PATJ: variants seen among roughly 807,000 people sequenced by gnomAD.
PATJ encodes inaD-like protein.
A neutral mutation model predicts 224.9 loss-of-function variants in PATJ; 190 were observed. The ratio of observed to expected loss-of-function variants is 0.84; its 90% CI spans 0.75 to 0.95. The LOEUF (loss-of-function observed/expected upper bound fraction) is 0.95. Among genes scored for constraint, PATJ ranks in the 40% least tolerant of loss-of-function variants. PATJ has a pLI of 0.00. For missense variants in PATJ, 2,121 were observed against 2,270.3 expected (o/e 0.93, Z 1.34); for synonymous variants, 769 against 820.3 (o/e 0.94, Z 1.07).
At chr1:61,765,066 ATTTTT>A (rs71582647) in intron 3 of PATJ, among the ~76,000 whole-genome samples, 3 of 24,010 alleles carry the variant, frequency 1.2e-4, no homozygotes, top group Non-Finnish European at 1.5e-4. Context: ...ATTGACATTC[ATTTTT>A]TTTTTTTTTT....
chr1:62,021,233 C>T (rs574725384), intron 29 of PATJ, among the ~76,000 whole-genome samples: 4 of 152,234 alleles, frequency 2.6e-5, no homozygotes, highest in South Asian at 4.1e-4. Context: ...AGATCTATTC[C>T]GTGTATCCTC....
At chr1:61,978,330 A>G (rs1024656106) in intron 27 of PATJ, among the ~76,000 whole-genome samples, 4 of 148,132 alleles carry the variant, frequency 2.7e-5, no homozygotes, top group African/African-American at 1.0e-4. Context: ...CAATGGTGCG[A>G]TCTTGGCTCA....
At chr1:61,839,756 T>G (rs1660774248) in intron 17 of PATJ, among the ~76,000 whole-genome samples, 2 of 152,096 alleles carry the variant, frequency 1.3e-5, no homozygotes, top group Non-Finnish European at 2.9e-5. Flanking sequence ...GAAGATAAAA[T>G]TTATTAACCA....
At chr1:61,914,970 T>C (rs920271439) in intron 26 of PATJ, among the ~76,000 whole-genome samples, 7 of 152,188 alleles carry the variant, frequency 4.6e-5, no homozygotes, top group African/African-American at 1.7e-4. Context: ...CACTGAGACT[T>C]TGATCTTGCT....
intron 22 of PATJ, among the ~76,000 whole-genome samples, chr1:61,895,872 AG>A (rs1670292653): frequency 6.6e-6 from 1 of 152,190 alleles, no homozygotes; most frequent in Admixed American, 6.5e-5. Flanking sequence ...AGCTTGTGAA[AG>A]CAGCCATGGG....
rs939669299 is a variant in PATJ, at chr1:61,956,869, G to C, written c.3670+29040G>C. On this transcript the variant is annotated intron_variant, in intron 27 of 43. Coordinates refer to ENST00000642238, the MANE Select transcript of PATJ (RefSeq NM_001350145.3). ...GTCACGTGTTTCAACTGTTCCTTGAGAACAATCATTTTGGCAGGCAGATAA... is the reference window on the plus strand; with the variant it reads ...GTCACGTGTTTCAACTGTTCCTTGACAACAATCATTTTGGCAGGCAGATAA... Among the ~76,000 whole-genome samples the C allele has an allele frequency of 3.9e-5, 6 of 152,318 alleles. No individual in the cohort carries two copies. In the East Asian group the frequency reaches 5.8e-4, roughly 15 times the overall value.
At chr1:62,125,966 T>G (rs1271284265) in intron 39 of PATJ, among the ~76,000 whole-genome samples, 1 of 152,218 alleles carries the variant, frequency 6.6e-6, no homozygotes. Context: ...AGACAGGGTT[T>G]CGCCATGCTG....
intron 1 of PATJ, among the ~76,000 whole-genome samples, chr1:61,748,210 A>C (rs1645123858): frequency 6.8e-6 from 1 of 147,806 alleles, no homozygotes; most frequent in Non-Finnish European, 1.5e-5. Context: ...AGTTTACCAA[A>C]GCACTTACAC....
chr1:61,750,469 A>G (rs1353402654), intron 1 of PATJ, among the ~76,000 whole-genome samples: 3 of 66,540 alleles, frequency 4.5e-5, no homozygotes, highest in South Asian at 3.7e-4. Context: ...GAGTTTCTCT[A>G]TTTTTGCCCA....
At chr1:62,026,472 GTGTGTGTGTGTGTGTC>G (rs61391755) in intron 29 of PATJ, among the ~76,000 whole-genome samples, 8,268 of 122,122 alleles carry the variant, frequency 0.068, 469 homozygotes, top group East Asian at 0.31. Context: ...TTGTGTGTGT[GTGTGTGTGTGTGTGTC>G]TGTGTGTGTG....
chr1:62,073,947 A>G (rs1160827448), intron 31 of PATJ, among the ~76,000 whole-genome samples: 1 of 152,154 alleles, frequency 6.6e-6, no homozygotes, highest in Non-Finnish European at 1.5e-5. Context: ...TTAAAGAACT[A>G]TAAACTTTTA....
At chr1:61,853,595 C>A (rs1251883331) in intron 17 of PATJ, among the ~76,000 whole-genome samples, 1 of 152,174 alleles carries the variant, frequency 6.6e-6, no homozygotes, top group Non-Finnish European at 1.5e-5. Context: ...AATAATTGTA[C>A]AGCTTATTTA....
Position 61,911,194 on chromosome 1 carries a change from G to T in PATJ, c.3492+2712G>T, listed in dbSNP as rs368600945. On this transcript the variant is annotated intron_variant, in intron 25 of 43. Coordinates refer to ENST00000642238, the MANE Select transcript of PATJ (RefSeq NM_001350145.3). ...GAGCATCACCAGTACACTTTCTTGG[G>T]TTTTTTTTGTTGTTGTTTTTTGTTT... Among the ~76,000 whole-genome samples, 348 of 151,740 alleles carry T rather than the reference G, an allele frequency of 2.3e-3. 1 individual carries two copies. Among genetic ancestry groups the T allele is most frequent in the African/African-American group, 7.7e-3 (320 of 41,392 alleles).
intron 16 of PATJ, among the ~76,000 whole-genome samples, chr1:61,831,592 C>G (rs1390522807): frequency 6.6e-6 from 1 of 152,196 alleles, no homozygotes; most frequent in East Asian, 1.9e-4. Flanking sequence ...CTTAATAGCA[C>G]TGATCATTAG....
chr1:62,134,700 T>C (rs1271782451), intron 41 of PATJ, among the ~76,000 whole-genome samples: 1 of 152,156 alleles, frequency 6.6e-6, no homozygotes, highest in Non-Finnish European at 1.5e-5. Flanking sequence ...CATCGAAGAA[T>C]AGGGAGTGCC....
intron 24 of PATJ, among the ~76,000 whole-genome samples, chr1:61,903,595 T>C (rs2149176665): frequency 6.6e-6 from 1 of 152,306 alleles, no homozygotes; most frequent in South Asian, 2.1e-4. Flanking sequence ...ATTTGTTTGC[T>C]ATTCTTTGTA....
At position 61,775,519 on chromosome 1, in the gene PATJ, T is replaced by C. The variant is rs537417635; in HGVS notation, c.849+185T>C. On this transcript the variant is annotated intron_variant, in intron 7 of 43. Transcript: ENST00000642238. Reference sequence around the variant, plus strand: ...ACTCAGTCTTATTTTAAACAGTTCCTAAATCAACATTTTTGGGGTTTGTTT... The same window carrying C: ...ACTCAGTCTTATTTTAAACAGTTCCCAAATCAACATTTTTGGGGTTTGTTT... Among the ~76,000 whole-genome samples, 6 of 152,336 alleles carry C rather than the reference T, an allele frequency of 3.9e-5. No homozygotes were observed. In the South Asian group the frequency reaches 1.0e-3, roughly 26 times the overall value.
intron 22 of PATJ, among the ~76,000 whole-genome samples, chr1:61,891,994 T>C (rs934898303): frequency 6.6e-6 from 1 of 152,210 alleles, no homozygotes; most frequent in Non-Finnish European, 1.5e-5. Context: ...AGCTACTTTT[T>C]TTATGTCTAC....
At chr1:61,978,033 A>G (rs1170093979) in intron 27 of PATJ, among the ~76,000 whole-genome samples, 1 of 151,974 alleles carries the variant, frequency 6.6e-6, no homozygotes, top group Non-Finnish European at 1.5e-5. Context: ...ATAAAACATT[A>G]CTAATACCCA....
Sources: gnomAD v4.1 joint callset for allele counts (sites outside exome capture counted in the v4.1 genomes callset) on GRCh38, gnomAD v4.1.1 for gene constraint, MANE v1.5 for transcripts, NCBI Gene and HGNC (gene_info 2026-07-23, HGNC 2026-07-21) for gene names.